The following KIAA2012 variants were observed in gnomAD, a reference collection of about 807,000 sequenced individuals.
KIAA2012 encodes KIAA2012.
A neutral mutation model predicts 150.6 loss-of-function variants in KIAA2012; 125 were observed. That is an observed-to-expected ratio of 0.83 (90% CI 0.72 to 0.96). The LOEUF is 0.96. Among genes scored for constraint, KIAA2012 ranks in the 40% least tolerant of loss-of-function variants. The pLI is 0.00. For synonymous variants in KIAA2012, 462 were observed against 504.7 expected (o/e 0.92, Z 1.13); for missense variants, 1,219 against 1,354.9 (o/e 0.90, Z 1.57).
chr2:202,123,000 G>T (rs1690691210), intron 11 of KIAA2012, among the ~76,000 whole-genome samples: 1 of 152,088 alleles, frequency 6.6e-6, no homozygotes, highest in Non-Finnish European at 1.5e-5. Flanking sequence ...CCAGCACACA[G>T]AAAAAAATAG....
Position 202,073,462 on chromosome 2 carries a change from G to A in KIAA2012, c.-166G>A. On this transcript the variant is annotated 5_prime_UTR_variant, in exon 1 of 24. Transcript: ENST00000498697. ...CACTGTCTAAACTGTGTGGCTGGTT[G>A]TTACTAAGAAGCTGCTGCGAGAGGG... 1 of 605,422 alleles carries A rather than the reference G, an allele frequency of 1.7e-6. No homozygotes were observed. Among genetic ancestry groups the A allele is most frequent in the South Asian group, 2.1e-5 (1 of 48,616 alleles). The allele number at this position is 605,422 out of a possible 1,614,324, so 37.5% of individuals were successfully genotyped here.
chr2:202,199,902 T>A (rs762921115), intron 22 of KIAA2012, among the ~76,000 whole-genome samples: 1 of 150,174 alleles, frequency 6.7e-6, no homozygotes, highest in Non-Finnish European at 1.5e-5. Context: ...AAATGCATCT[T>A]CCTCCTTGCC....
At chr2:202,084,837 TA>T (rs1262719695) in intron 2 of KIAA2012, among the ~76,000 whole-genome samples, 4 of 152,020 alleles carry the variant, frequency 2.6e-5, no homozygotes, top group Non-Finnish European at 5.9e-5. Context: ...TTTATTTTTT[TA>T]AAAAAAAGAG....
chr2:202,113,588 C>T (rs1378866057), intron 11 of KIAA2012, 142 bp downstream of exon 11: 1 of 608,328 alleles, frequency 1.6e-6, no homozygotes, highest in Non-Finnish European at 2.9e-6. Flanking sequence ...TTCACCGACA[C>T]AGAGGTGCTT....
intron 18 of KIAA2012, 139 bp from the exon 19 acceptor site, chr2:202,190,035 C>T (rs1692296799): frequency 1.5e-6 from 1 of 649,614 alleles, no homozygotes; most frequent in Middle Eastern, 4.5e-4. Flanking sequence ...CTGCAGTGAG[C>T]CATGATCGTG....
intron 15 of KIAA2012, among the ~76,000 whole-genome samples, chr2:202,182,719 A>G (rs993619100): frequency 2.0e-5 from 3 of 152,116 alleles, no homozygotes; most frequent in Admixed American, 2.0e-4. Flanking sequence ...GCAGGTATAT[A>G]TTTAACTTTT....
intron 14 of KIAA2012, among the ~76,000 whole-genome samples, chr2:202,159,277 G>A (rs575334218): frequency 6.6e-6 from 1 of 152,146 alleles, no homozygotes; most frequent in South Asian, 2.1e-4. Flanking sequence ...CCACTTGGCA[G>A]GAAAGTTGTA....
At chr2:202,155,689 G>T (rs556724372) in intron 14 of KIAA2012, among the ~76,000 whole-genome samples, 1 of 152,212 alleles carries the variant, frequency 6.6e-6, no homozygotes. Context: ...GTGCATGATG[G>T]TGGCTCTATC....
intron 2 of KIAA2012, among the ~76,000 whole-genome samples, chr2:202,078,617 A>C (rs1025122653): frequency 6.6e-6 from 1 of 152,184 alleles, no homozygotes; most frequent in African/African-American, 2.4e-5. Flanking sequence ...AGCAGATTAC[A>C]AAAATGTATT....
chr2:202,154,651 G>A (rs1313140657), intron 13 of KIAA2012, 22 bp from the exon 14 acceptor site: 11 of 1,520,038 alleles, frequency 7.2e-6, no homozygotes, highest in Non-Finnish European at 9.7e-6. Context: ...TGAAAGTTCG[G>A]GCTTTCTGCT....
chr2:202,125,215 CTA>C lies in KIAA2012; in HGVS notation c.1766_1767del (p.Tyr589Ter), dbSNP rs1244725118. 1.3e-6 allele frequency: 2 copies of C among 1,549,494 alleles called. No individual in the cohort carries two copies. Among genetic ancestry groups the C allele is most frequent in the East Asian group, 4.9e-5 (2 of 40,902 alleles). ...GTAAAATATCTTACTGTTTTTCAGC[CTA>C]TGAATCTGTCAATTCAAATATCAGC... ...QTEALPSGKA[Y>X]ESVNSNISHE... On this transcript the variant is annotated frameshift_variant and splice_region_variant, in exon 12 of 24. Transcript: ENST00000498697. LOFTEE classifies it high-confidence loss of function.
At position 202,113,567 on chromosome 2, in the gene KIAA2012, G is replaced by A. The variant is rs187519683; in HGVS notation, c.1762+121G>A. 472 of 644,496 alleles carry A rather than the reference G, an allele frequency of 7.3e-4. 4 individuals are homozygous for A. Among genetic ancestry groups the A allele is most frequent in the Middle Eastern group, 1.3e-3 (5 of 3,964 alleles). 39.9% of individuals were successfully genotyped at this position (644,496 alleles called of 1,614,324 possible). On this transcript the variant is annotated intron_variant, in intron 11 of 23. Coordinates refer to ENST00000498697, the MANE Select transcript of KIAA2012 (RefSeq NM_001277372.4). The stretch of plus-strand genomic sequence containing the variant: ...ATTAAAAACAGACGCAAGTCAGCCA[G>A]TTTCTCCCCTTTCACCGACACAGAG...
At chr2:202,185,396 T>C (rs1294403892) in intron 16 of KIAA2012, among the ~76,000 whole-genome samples, 5 of 152,196 alleles carry the variant, frequency 3.3e-5, no homozygotes, top group Non-Finnish European at 7.3e-5. Context: ...CACAGCCTAT[T>C]GTGACTTCCC....
chr2:202,199,956 G>A (rs1240297250), intron 22 of KIAA2012, among the ~76,000 whole-genome samples: 24 of 110,296 alleles, frequency 2.2e-4, no homozygotes, highest in Admixed American at 7.0e-4. Context: ...TTTTGAGACG[G>A]AGTCTCACTC....
chr2:202,153,017 G>A (rs1691458126), intron 13 of KIAA2012, among the ~76,000 whole-genome samples: 1 of 152,050 alleles, frequency 6.6e-6, no homozygotes, highest in Non-Finnish European at 1.5e-5. Flanking sequence ...TTTTATCTTT[G>A]GAAATGAGGA....
At chr2:202,102,910 C>G in intron 7 of KIAA2012, 36 bp from the exon 8 acceptor site, 1 of 1,540,778 alleles carries the variant, frequency 6.5e-7, no homozygotes, top group Non-Finnish European at 8.8e-7. Flanking sequence ...GGTTTGGATA[C>G]CTGCCATGAT....
intron 2 of KIAA2012, among the ~76,000 whole-genome samples, chr2:202,089,981 A>G (rs1308406892): frequency 6.6e-6 from 1 of 152,238 alleles, no homozygotes; most frequent in Non-Finnish European, 1.5e-5. Flanking sequence ...TCAGTTCAGC[A>G]GTCAAGAATC....
intron 5 of KIAA2012, 118 bp downstream of exon 5, chr2:202,097,695 T>C (rs1040624096): frequency 1.7e-6 from 2 of 1,159,462 alleles, no homozygotes; most frequent in South Asian, 1.6e-5. Context: ...GTTCAAGCAT[T>C]TCTCCTGCCT....
At chr2:202,189,861 G>C (rs1400026721) in intron 18 of KIAA2012, among the ~76,000 whole-genome samples, 1 of 152,092 alleles carries the variant, frequency 6.6e-6, no homozygotes, top group Admixed American at 6.6e-5. Context: ...GGAGGCTGAG[G>C]TGGGTGGATT....
Sources: gnomAD v4.1 joint callset for allele counts (sites outside exome capture counted in the v4.1 genomes callset) on GRCh38, gnomAD v4.1.1 for gene constraint, MANE v1.5 for transcripts, NCBI Gene and HGNC (gene_info 2026-07-23, HGNC 2026-07-21) for gene names.